Variants in TLE1 observed in about 807,000 individuals in gnomAD.
TLE1 encodes the protein transducin-like enhancer protein 1.
TLE1 carries 21 observed loss-of-function variants against 89.8 expected under a neutral mutation model. That is an observed-to-expected ratio of 0.23 (90% CI 0.17 to 0.34). The LOEUF is 0.34. Among genes scored for constraint, TLE1 ranks in the 10% least tolerant of loss-of-function variants. The pLI is 1.00. For synonymous variants in TLE1, 447 were observed against 407.6 expected, an observed-to-expected ratio of 1.10 and a Z score of -1.16; for missense variants, 795 against 1,031.2, an observed-to-expected ratio of 0.77 and a Z score of 3.14.
intron 4 of TLE1, among the ~76,000 whole-genome samples, chr9:81,654,267 TTTGA>T (rs1221768522): frequency 1.2e-4 from 19 of 152,168 alleles, no homozygotes; most frequent in Non-Finnish European, 2.2e-4. Flanking sequence ...AGATGAGTAG[TTTGA>T]TTGAGTTGGA....
At chr9:81,653,818 T>C (rs1361666652) in intron 5 of TLE1, among the ~76,000 whole-genome samples, 156 bp downstream of exon 5, 1 of 152,196 alleles carries the variant, frequency 6.6e-6, no homozygotes, top group Admixed American at 6.5e-5. Flanking sequence ...TGCCCTCAGA[T>C]GTGTTGGATA....
rs35060460 is a variant in TLE1 at position 81,675,698 on chromosome 9, G to GTTTTTTTTTTTT, written c.234+9977_234+9978insAAAAAAAAAAAA. On this transcript the variant is annotated intron_variant, in intron 4 of 19. Transcript: ENST00000376499. The stretch of plus-strand genomic sequence containing the variant: ...AATTTTAGCATAAGGACTCACACTA[G>GTTTTTTTTTTTT]TTTTTTTTTGTTTTTTTTTTTGAGA... Among the ~76,000 whole-genome samples, 731 of 129,496 alleles carry GTTTTTTTTTTTT rather than the reference G, an allele frequency of 5.6e-3. 86 individuals are homozygous for GTTTTTTTTTTTT. Among genetic ancestry groups the GTTTTTTTTTTTT allele is most frequent in the African/African-American group, 0.017 (500 of 30,302 alleles). The allele number at this position is 129,496 out of a possible 152,430, so 85.0% of individuals were successfully genotyped here.
chr9:81,665,644 G>T (rs912226252), intron 4 of TLE1, among the ~76,000 whole-genome samples: 1 of 152,104 alleles, frequency 6.6e-6, no homozygotes, highest in Admixed American at 6.5e-5. Flanking sequence ...TCCTATCTTC[G>T]CAGCAGCTCT....
chr9:81,673,678 C>T (rs559182106), intron 4 of TLE1, among the ~76,000 whole-genome samples: 1 of 152,028 alleles, frequency 6.6e-6, no homozygotes, highest in Non-Finnish European at 1.5e-5. Flanking sequence ...AGTATCCACA[C>T]AAAGGGAGGC....
At chr9:81,600,042 A>G (rs1250712621) in intron 14 of TLE1, 3 of 697,492 alleles carry the variant, frequency 4.3e-6, no homozygotes, top group Admixed American at 4.3e-5. Context: ...TAAGATTCTG[A>G]GTTCTAGGAC....
At chr9:81,587,658 G>A (rs1409900865) in intron 17 of TLE1, 23 bp downstream of exon 17, 1 of 1,596,802 alleles carries the variant, frequency 6.3e-7, no homozygotes, top group Non-Finnish European at 8.5e-7. Context: ...AGACTCCAGG[G>A]CAGGCGGAAG....
chr9:81,679,435 A>G (rs1286499971), intron 4 of TLE1, among the ~76,000 whole-genome samples: 2 of 152,184 alleles, frequency 1.3e-5, no homozygotes, highest in Non-Finnish European at 2.9e-5. Context: ...CAATACATGA[A>G]TATCTTAATT....
Position 81,605,085 on chromosome 9 carries a change from C to G in TLE1, c.1331+5135G>C, listed in dbSNP as rs544701610. On this transcript the variant is annotated intron_variant, in intron 14 of 19. Coordinates refer to ENST00000376499, the MANE Select transcript of TLE1 (RefSeq NM_005077.5). ...CACACAAAGCCTGACAGTTCACACT[C>G]AGTCTATGAATGGCAACTGTGCCTT... is the stretch of plus-strand genomic sequence containing the variant. 2.6e-5 allele frequency among the ~76,000 whole-genome samples: 4 copies of G among 152,348 alleles called. No homozygotes were observed. The East Asian group carries it at 7.7e-4, about 29-fold the overall frequency.
At chr9:81,609,281 C>T (rs1023938480) in intron 14 of TLE1, among the ~76,000 whole-genome samples, 1 of 152,072 alleles carries the variant, frequency 6.6e-6, no homozygotes, top group African/African-American at 2.4e-5. Context: ...GACGGGGTTT[C>T]GCCACATTGG....
In TLE1 at chr9:81,604,627, C is replaced by T. The variant is rs116326735; in HGVS notation, c.1331+5593G>A. ...TGGGTCCCCCATCCTTGGACACGCA[C>T]GGTCAGAGGCACACTGTCACTGCAC... On this transcript the variant is annotated intron_variant, in intron 14 of 19. Coordinates refer to ENST00000376499, the MANE Select transcript of TLE1 (RefSeq NM_005077.5). Among the ~76,000 whole-genome samples, 297 of 152,280 alleles carry T rather than the reference C, an allele frequency of 2.0e-3. 1 individual carries two copies. Among genetic ancestry groups the T allele is most frequent in the African/African-American group, 6.7e-3 (279 of 41,556 alleles).
intron 10 of TLE1, among the ~76,000 whole-genome samples, chr9:81,616,400 G>A (rs1007966482): frequency 1.3e-5 from 2 of 152,046 alleles, no homozygotes; most frequent in African/African-American, 4.8e-5. Flanking sequence ...GGAAGGAAAG[G>A]GGAGCCAAAC....
rs1218886477 is a variant in TLE1, at chr9:81,652,283, T to C, written c.303A>G (p.Gln101=). Residue 101 remains glutamine, a synonymous_variant, in exon 6 of 20, where the codon CAA becomes CAG. Transcript: ENST00000376499. The stretch of plus-strand genomic sequence containing the variant: ...GTTCAACAGCCTGGGCCACCTGTTG[T>C]TGATGCTTTGAAAACAAGGAGAAGA... ...QVIPFLSQEH[Q]QQVAQAVERA... The C allele has an allele frequency of 1.9e-6, 3 of 1,613,348 alleles. No individual in the cohort carries two copies. Among genetic ancestry groups the C allele is most frequent in the East Asian group, 2.2e-5 (1 of 44,842 alleles).
intron 8 of TLE1, 164 bp from the exon 9 acceptor site, chr9:81,620,721 G>A (rs1346238681): frequency 1.0e-6 from 1 of 985,210 alleles, no homozygotes; most frequent in East Asian, 1.1e-4. Flanking sequence ...ATATCTACAG[G>A]TTTACACACT....
rs751293312 is a variant in TLE1, at chr9:81,611,804, C to T, written c.1219G>A (p.Ala407Thr). Residue 407 changes from alanine to threonine, a missense_variant, in exon 13 of 20, where the codon GCG (alanine) becomes ACG (threonine). Ala to Thr is a moderately conservative substitution (Grantham distance 58, BLOSUM62 0). Transcript: ENST00000376499. ...CGCCCGTAGGCCACCACGGCGGCCG[C>T]GGCGGCTGCGGCGCTCATCTGGGGC... is the stretch of plus-strand genomic sequence containing the variant. ...MSPQMSAAAA[A>T]AAVVAYGRSP... 2.1e-5 allele frequency: 32 copies of T among 1,547,278 alleles called. No homozygotes were observed. The highest frequency in any genetic ancestry group is 1.6e-4 in the African/African-American group (11 of 69,922).
chr9:81,682,479 C>T (rs1287613412), intron 4 of TLE1, among the ~76,000 whole-genome samples: 1 of 152,110 alleles, frequency 6.6e-6, no homozygotes, highest in African/African-American at 2.4e-5. Flanking sequence ...ATTAAAGCCA[C>T]CAATGACAAT....
chr9:81,605,308 A>G (rs985877942), intron 14 of TLE1, among the ~76,000 whole-genome samples: 1 of 152,182 alleles, frequency 6.6e-6, no homozygotes, highest in Admixed American at 6.5e-5. Flanking sequence ...AGTCATCGAG[A>G]GTGAGCGACA....
chr9:81,608,779 A>G (rs537135763), intron 14 of TLE1, among the ~76,000 whole-genome samples: 52 of 152,096 alleles, frequency 3.4e-4, no homozygotes, highest in Non-Finnish European at 3.2e-4. Flanking sequence ...TCTACTAAAA[A>G]TACAAAAATT....
chr9:81,618,458 T>C (rs995980902), intron 9 of TLE1, among the ~76,000 whole-genome samples: 2 of 152,174 alleles, frequency 1.3e-5, no homozygotes, highest in African/African-American at 4.8e-5. Context: ...TTTTCTTCAA[T>C]AGCGTGTTAC....
At position 81,633,350 on chromosome 9, in the gene TLE1, T is replaced by C; in HGVS notation, c.592A>G (p.Thr198Ala). 5.6e-6 allele frequency: 9 copies of C among 1,613,104 alleles called. No homozygotes were observed. The highest frequency in any genetic ancestry group is 7.6e-6 in the Non-Finnish European group (9 of 1,179,740). The change falls in exon 8 of 20, where the codon ACA becomes GCA. Residue 198 changes from threonine (T) to alanine (A), a missense_variant and splice_region_variant. By Grantham distance (58) the Thr-to-Ala change is moderately conservative. Around this residue, in one of 4 missense-constraint regions of TLE1, gnomAD observed 468 missense variants for 509.1 expected, o/e 0.92. Coordinates refer to ENST00000376499, the MANE Select transcript of TLE1 (RefSeq NM_005077.5). ...GCAGCAGGCGTTTGAGTACTTACTG[T>C]GCCCGGCTCTCTGTCTGCTCCCGAG... ...AEHHRDREPGTSNSLLVPDSL... is the reference protein window; with the variant it reads ...AEHHRDREPGASNSLLVPDSL...
Sources: allele counts gnomAD v4.1 joint callset (sites outside exome capture counted in the v4.1 genomes callset), GRCh38; gene constraint gnomAD v4.1.1; regional missense constraint gnomAD v4.1.1; transcripts MANE v1.5; gene names NCBI Gene and HGNC (gene_info 2026-07-23, HGNC 2026-07-21).